HECW1: variants seen among roughly 807,000 people sequenced by gnomAD.
HECW1 encodes the protein HECT, C2 and WW domain containing E3 ubiquitin protein ligase 1, also known as E3 ubiquitin-protein ligase HECW1.
In HECW1, 61 loss-of-function variants were observed where a neutral mutation model predicts 182.3. That is an observed-to-expected ratio of 0.33 (90% CI 0.27 to 0.41). The LOEUF is 0.41. Among genes scored for constraint, HECW1 ranks in the 10% least tolerant of loss-of-function variants. The pLI is 1.00. For synonymous variants in HECW1, 859 were observed against 832.6 expected (o/e 1.03, Z -0.55); for missense variants, 1,739 against 2,108.9 (o/e 0.82, Z 3.44).
intron 2 of HECW1, among the ~76,000 whole-genome samples, chr7:43,195,156 C>T (rs1243589022): frequency 6.6e-6 from 1 of 152,126 alleles, no homozygotes; most frequent in Non-Finnish European, 1.5e-5. Context: ...GACTTAATAG[C>T]AATAGATAAC....
intron 26 of HECW1, among the ~76,000 whole-genome samples, chr7:43,545,489 A>G (rs112778200): frequency 2.4e-3 from 369 of 152,320 alleles, no homozygotes; most frequent in African/African-American, 8.7e-3. Flanking sequence ...TTCAAAATGC[A>G]AAGGTTAGGG....
intron 19 of HECW1, among the ~76,000 whole-genome samples, chr7:43,494,452 C>A (rs1225187673): frequency 6.6e-6 from 1 of 152,058 alleles, no homozygotes; most frequent in Non-Finnish European, 1.5e-5. Flanking sequence ...TCATGACCTC[C>A]CTACCCTTCA....
At chr7:43,329,071 A>G (rs1351594471) in intron 5 of HECW1, among the ~76,000 whole-genome samples, 1 of 152,076 alleles carries the variant, frequency 6.6e-6, no homozygotes, top group African/African-American at 2.4e-5. Context: ...CTTTGTGTGA[A>G]ATAGTAAGAG....
intron 24 of HECW1, among the ~76,000 whole-genome samples, chr7:43,517,848 G>A (rs997707527): frequency 1.9e-4 from 29 of 152,192 alleles, no homozygotes; most frequent in Admixed American, 1.8e-3. Flanking sequence ...GCAAAAGTTA[G>A]ATGAGAAGTC....
At chr7:43,403,497 C>A (rs569063287) in intron 7 of HECW1, among the ~76,000 whole-genome samples, 19 of 152,094 alleles carry the variant, frequency 1.2e-4, no homozygotes, top group Non-Finnish European at 2.5e-4. Flanking sequence ...TGGTAGAGAG[C>A]GGAAGAGGGA....
intron 24 of HECW1, among the ~76,000 whole-genome samples, chr7:43,538,798 C>T (rs998557830): frequency 2.0e-5 from 3 of 152,308 alleles, no homozygotes; most frequent in Admixed American, 2.0e-4. Flanking sequence ...AAAGTTACTT[C>T]TAATCTGTTT....
intron 2 of HECW1, among the ~76,000 whole-genome samples, chr7:43,140,879 C>A (rs1158776409): frequency 6.6e-6 from 1 of 152,166 alleles, no homozygotes; most frequent in Non-Finnish European, 1.5e-5. Context: ...GCTCACGTGG[C>A]CTTCTCCATC....
At chr7:43,424,264 G>A (rs530772606) in intron 8 of HECW1, among the ~76,000 whole-genome samples, 8 of 152,196 alleles carry the variant, frequency 5.3e-5, no homozygotes, top group South Asian at 2.1e-4. Flanking sequence ...GCTTTGCTCC[G>A]TGTAGCTTTC....
At chr7:43,251,881 C>T (rs1031264303) in intron 3 of HECW1, among the ~76,000 whole-genome samples, 1 of 152,172 alleles carries the variant, frequency 6.6e-6, no homozygotes, top group African/African-American at 2.4e-5. Context: ...AATGCTATTA[C>T]CTGACAGGTA....
chr7:43,268,898 A>G (rs1401757329), intron 3 of HECW1, among the ~76,000 whole-genome samples: 1 of 152,074 alleles, frequency 6.6e-6, no homozygotes, highest in Admixed American at 6.6e-5. Flanking sequence ...CAGCCTCCTG[A>G]GTAGCTACTG....
At chr7:43,149,381 A>G (rs1044828092) in intron 2 of HECW1, among the ~76,000 whole-genome samples, 5 of 152,224 alleles carry the variant, frequency 3.3e-5, no homozygotes, top group Admixed American at 2.6e-4. Context: ...TAAACCCAAA[A>G]TAAGGGTCAT....
intron 4 of HECW1, among the ~76,000 whole-genome samples, chr7:43,319,849 G>A (rs1166338585): frequency 6.8e-6 from 1 of 147,208 alleles, no homozygotes; most frequent in Non-Finnish European, 1.5e-5. Flanking sequence ...CTGACCTCAG[G>A]TGATCTTCCC....
chr7:43,345,720 A>G (rs1305663039), intron 5 of HECW1, among the ~76,000 whole-genome samples: 1 of 152,070 alleles, frequency 6.6e-6, no homozygotes, highest in African/African-American at 2.4e-5. Flanking sequence ...ACTTAGAATA[A>G]TAGTCTCCAG....
intron 16 of HECW1, 37 bp downstream of exon 16, chr7:43,469,142 G>T (rs375944422): frequency 6.3e-6 from 10 of 1,597,972 alleles, no homozygotes; most frequent in Admixed American, 1.7e-5. Context: ...TCATCAAACA[G>T]GCTCCTTCCC....
chr7:43,314,945 GCTGCCTCCCCT>G (rs1562823805), intron 4 of HECW1, among the ~76,000 whole-genome samples: 24 of 152,332 alleles, frequency 1.6e-4, no homozygotes, highest in African/African-American at 4.6e-4. Context: ...CAGTCACACA[GCTGCCTCCCCT>G]GGCTCAGGAC....
At chr7:43,202,567 G>T (rs961419926) in intron 2 of HECW1, among the ~76,000 whole-genome samples, 1 of 151,042 alleles carries the variant, frequency 6.6e-6, no homozygotes, top group Non-Finnish European at 1.5e-5. Context: ...ACTGCCTCCC[G>T]GGTTCAAGCG....
In HECW1 at chr7:43,361,056, G is replaced by A. The variant is rs1021935485; in HGVS notation, c.555+76G>A. The A allele has an allele frequency of 7.7e-6, 6 of 774,486 alleles. No homozygotes were observed. In the Admixed American group the frequency reaches 1.5e-4, roughly 20 times the overall value. 48.0% of individuals were successfully genotyped at this position (774,486 alleles called of 1,614,324 possible). A position where few individuals can be genotyped will look rare whatever the true frequency, so the allele number is the denominator to read the frequency against. On this transcript the variant is annotated intron_variant, in intron 6 of 29. Transcript: ENST00000395891. Reference sequence around the variant, plus strand: ...ACTTTCCTATTTTGTTCTTGTGCGTGCGTGTGTGTGTGTGTGTGTGTGTGT... The same window carrying A: ...ACTTTCCTATTTTGTTCTTGTGCGTACGTGTGTGTGTGTGTGTGTGTGTGT...
Position 43,552,233 on chromosome 7 carries a change from G to A in HECW1, c.4407G>A (p.Ser1469=), listed in dbSNP as rs56111512. 335,319 of 1,609,358 alleles carry A rather than the reference G, an allele frequency of 0.21. 38,280 individuals carry two copies. Among genetic ancestry groups the A allele is most frequent in the Non-Finnish European group, 0.24 (279,715 of 1,175,660 alleles). Residue 1469 remains serine (S), a synonymous_variant, in exon 28 of 30, where the codon TCG becomes TCA. Transcript: ENST00000395891. ...AACCTGCATTTCAGGTTGTAGACTC[G>A]AGGCTGGTGTCCGTGTTTGATGCCA... ...LVRGFYEVVD[S]RLVSVFDARE... is the part of the protein sequence containing the mutation.
intron 5 of HECW1, among the ~76,000 whole-genome samples, chr7:43,322,848 G>C (rs1584477550): frequency 6.6e-6 from 1 of 152,102 alleles, no homozygotes; most frequent in South Asian, 2.1e-4. Context: ...TTTTCCCTTT[G>C]GCCTCTAATT....
Sources: allele counts gnomAD v4.1 joint callset (sites outside exome capture counted in the v4.1 genomes callset), GRCh38; gene constraint gnomAD v4.1.1; transcripts MANE v1.5; gene names NCBI Gene and HGNC (gene_info 2026-07-23, HGNC 2026-07-21).